The following AATK variants were observed in gnomAD, a reference collection of about 807,000 sequenced individuals.
The protein encoded by AATK is serine/threonine-protein kinase LMTK1.
AATK carries 91 observed loss-of-function variants against 114.3 expected under a neutral mutation model. That is an observed-to-expected ratio of 0.80 (90% CI 0.67 to 0.95). AATK has a LOEUF of 0.95. Ranked by LOEUF, AATK falls within the 40% of genes least tolerant of loss-of-function variation. AATK has a pLI of 0.00. For missense variants in AATK, 2,176 were observed against 1,965.2 expected (o/e 1.11, Z -2.03); for synonymous variants, 1,075 against 916.5 (o/e 1.17, Z -3.12).
intron 1 of AATK, among the ~76,000 whole-genome samples, chr17:81,162,747 C>A (rs2061440971): frequency 6.6e-6 from 1 of 152,224 alleles, no homozygotes. Flanking sequence ...TCCCAGGAAC[C>A]CCCCATGGCG....
intron 2 of AATK, chr17:81,131,996 G>A: frequency 1.5e-6 from 2 of 1,311,632 alleles, no homozygotes; most frequent in Non-Finnish European, 1.0e-6. Flanking sequence ...CTGGCCCCGT[G>A]CAGCCTAGGG....
chr17:81,163,527 C>T (rs2061449410), intron 1 of AATK, among the ~76,000 whole-genome samples: 1 of 152,252 alleles, frequency 6.6e-6, no homozygotes. Context: ...GGCCACACAG[C>T]ACAGAGGCTG....
At position 81,134,431 on chromosome 17, in the gene AATK, G is replaced by A. The variant is rs745546966; in HGVS notation, c.126C>T (p.Leu42=). 6 of 1,613,308 alleles carry A rather than the reference G, an allele frequency of 3.7e-6. No individual in the cohort carries two copies. The highest frequency in any genetic ancestry group is 5.1e-6 in the Non-Finnish European group (6 of 1,179,820). ...LAVVAVSFSG[L]FAVIVLMLAC... The stretch of plus-strand genomic sequence containing the variant: ...CCAGCATGAGGACGATGACGGCGAA[G>A]AGCCCGGAGAAAGACACAGCCACCA... The change falls in exon 2 of 14, where the codon CTC becomes CTT. Residue 42 remains leucine, a synonymous_variant. Transcript: ENST00000326724.
At position 81,165,826 on chromosome 17, in the gene AATK, G is replaced by C. The variant is rs377112563; in HGVS notation, c.55+112C>G. On this transcript the variant is annotated intron_variant, in intron 1 of 13. Coordinates refer to ENST00000326724, the MANE Select transcript of AATK (RefSeq NM_001080395.3). Reference sequence around the variant, plus strand: ...TCCGGCTGCTTCTGCTGCTGGGCTCGGGGCGGGGAAAGGGTTAATTTCCAT... The same window carrying C: ...TCCGGCTGCTTCTGCTGCTGGGCTCCGGGCGGGGAAAGGGTTAATTTCCAT... The C allele has an allele frequency of 1.2e-5, 18 of 1,509,030 alleles. No individual in the cohort carries two copies. In the South Asian group the frequency reaches 1.8e-4, roughly 15 times the overall value. The allele number at this position is 1,509,030 out of a possible 1,614,324, so 93.5% of individuals were successfully genotyped here. A position where few individuals can be genotyped will look rare whatever the true frequency, so the allele number is the denominator to read the frequency against.
chr17:81,154,326 T>C (rs1376025968), intron 1 of AATK, among the ~76,000 whole-genome samples: 1 of 146,124 alleles, frequency 6.8e-6, no homozygotes, highest in Admixed American at 6.8e-5. Context: ...TTTCTTTTTT[T>C]TTTTTTTTTT....
chr17:81,149,726 A>G (rs2061270737), intron 1 of AATK, among the ~76,000 whole-genome samples: 1 of 152,066 alleles, frequency 6.6e-6, no homozygotes, highest in Non-Finnish European at 1.5e-5. Flanking sequence ...CCCCCTGCTC[A>G]CGCCTGTCCG....
intron 1 of AATK, among the ~76,000 whole-genome samples, chr17:81,141,426 G>C (rs2061136483): frequency 6.6e-6 from 1 of 152,192 alleles, no homozygotes; most frequent in Non-Finnish European, 1.5e-5. Flanking sequence ...ACTCCAGTCT[G>C]GGCGACAGAG....
rs2060981261 is a variant in AATK, at chr17:81,134,480, A to T, written c.77T>A (p.Leu26Gln). The T allele has an allele frequency of 6.2e-7, 1 of 1,612,756 alleles. No individual in the cohort carries two copies. Among genetic ancestry groups the T allele is most frequent in the Non-Finnish European group, 8.5e-7 (1 of 1,179,632 alleles). ...FDPDGAPLSE[L>Q]SWPSSLAVVA... ...CACGGCGAGGGAGGATGGCCAGGACAGCTCGCTGAGCGGGGCGCCGTCTGC... is the reference window on the plus strand; with the variant it reads ...CACGGCGAGGGAGGATGGCCAGGACTGCTCGCTGAGCGGGGCGCCGTCTGC... The change falls in exon 2 of 14, where the codon CTG becomes CAG. Residue 26 changes from leucine to glutamine, a missense_variant. Physicochemically the swap from Leu to Gln is moderately radical, Grantham distance 113. Coordinates refer to ENST00000326724, the MANE Select transcript of AATK (RefSeq NM_001080395.3).
chr17:81,137,493 C>T (rs1445415670), intron 1 of AATK, among the ~76,000 whole-genome samples: 4 of 152,094 alleles, frequency 2.6e-5, no homozygotes, highest in East Asian at 1.9e-4. Flanking sequence ...GTGCACCCAC[C>T]GCCGCCTCTG....
At position 81,121,770 on chromosome 17, in the gene AATK, C is replaced by T. The variant is rs1238272499; in HGVS notation, c.2166G>A (p.Gly722=). 5.2e-6 allele frequency: 8 copies of T among 1,535,054 alleles called. No individual in the cohort carries two copies. Among genetic ancestry groups the T allele is most frequent in the Middle Eastern group, 1.8e-4 (1 of 5,568 alleles). The change falls in exon 11 of 14, where the codon GGG becomes GGA. Residue 722 remains glycine (G), a synonymous_variant. Coordinates refer to ENST00000326724, the MANE Select transcript of AATK (RefSeq NM_001080395.3). ...KQTPRASPEP[G]YPGEPLLGLQ... is the part of the protein sequence containing the mutation. Reference sequence around the variant, plus strand: ...GCCCAAGCAGAGGCTCTCCAGGGTACCCCGGCTCGGGGGAGGCCCGTGGGG... The same window carrying T: ...GCCCAAGCAGAGGCTCTCCAGGGTATCCCGGCTCGGGGGAGGCCCGTGGGG...
At chr17:81,143,850 C>T (rs929113826) in intron 1 of AATK, among the ~76,000 whole-genome samples, 3 of 152,348 alleles carry the variant, frequency 2.0e-5, no homozygotes, top group Admixed American at 1.3e-4. Flanking sequence ...GTCGGGTGTG[C>T]CTGGCATGCA....
chr17:81,118,468 C>A (rs756471563), intron 13 of AATK, 26 bp from the exon 14 acceptor site: 4 of 1,602,616 alleles, frequency 2.5e-6, no homozygotes, highest in Non-Finnish European at 2.6e-6. Context: ...ACAAAGTGAA[C>A]ACAGGGTTCT....
chr17:81,160,424 C>T, intron 1 of AATK: 1 of 178,628 alleles, frequency 5.6e-6, no homozygotes, highest in Non-Finnish European at 1.1e-5. Context: ...TCAGAGGTGC[C>T]TGGGAACTGG....
At chr17:81,124,664 G>C in intron 9 of AATK, 63 bp downstream of exon 9, 3 of 1,590,132 alleles carry the variant, frequency 1.9e-6, no homozygotes, top group South Asian at 1.1e-5. Context: ...GCCATGATTT[G>C]ACATGGGTGG....
intron 1 of AATK, among the ~76,000 whole-genome samples, chr17:81,158,073 G>C (rs1327390039): frequency 6.6e-6 from 1 of 152,240 alleles, no homozygotes; most frequent in Non-Finnish European, 1.5e-5. Context: ...CAGGTCCATG[G>C]CCAGGGCGGC....
rs747648464 is a variant in AATK at position 81,131,024 on chromosome 17, G to A, written c.334+37C>T. ...ACCCAACGCCCAGCACCTGGGCCCC[G>A]GAGGGAGGCCACCCCATCTCCCCAC... is the stretch of plus-strand genomic sequence containing the variant. On this transcript the variant is annotated intron_variant, in intron 3 of 13. Transcript: ENST00000326724. The A allele has an allele frequency of 3.8e-5, 58 of 1,539,770 alleles. No individual in the cohort carries two copies. In the East Asian group the frequency reaches 6.4e-4, roughly 17 times the overall value.
At chr17:81,163,833 A>G (rs956865976) in intron 1 of AATK, among the ~76,000 whole-genome samples, 2 of 152,246 alleles carry the variant, frequency 1.3e-5, no homozygotes, top group Non-Finnish European at 2.9e-5. Flanking sequence ...GCGATGAACA[A>G]GGAGCCGGCC....
chr17:81,166,029 G>A lies in AATK; in HGVS notation c.-37C>T, dbSNP rs772031023. On this transcript the variant is annotated 5_prime_UTR_variant, in exon 1 of 14. Coordinates refer to ENST00000326724, the MANE Select transcript of AATK (RefSeq NM_001080395.3). ...CGGCCGGCGGGCATCCCGGGAGGGC[G>A]CTGCGCTCAGGACGCCCGCGGCCCC... 27 of 1,501,918 alleles carry A rather than the reference G, an allele frequency of 1.8e-5. 1 individual carries two copies. The highest frequency in any genetic ancestry group is 1.6e-4 in the South Asian group (13 of 79,744). 93.0% of individuals were successfully genotyped at this position (1,501,918 alleles called of 1,614,324 possible). A position where few individuals can be genotyped will look rare whatever the true frequency, so the allele number is the denominator to read the frequency against.
rs932792409 is a variant in AATK at position 81,126,331 on chromosome 17, C to T, written c.755+96G>A. 1.1e-5 allele frequency: 16 copies of T among 1,428,482 alleles called. No individual in the cohort carries two copies. The highest frequency in any genetic ancestry group is 4.9e-5 in the Admixed American group (2 of 40,626). The allele number at this position is 1,428,482 out of a possible 1,614,324, so 88.5% of individuals were successfully genotyped here. A position where few individuals can be genotyped will look rare whatever the true frequency, so the allele number is the denominator to read the frequency against. Reference sequence around the variant, plus strand: ...GCATGAGATGAACCTGGCCGGTCCTCGCAAGCCCCCTGAGGCAGGACCCGC... The same window carrying T: ...GCATGAGATGAACCTGGCCGGTCCTTGCAAGCCCCCTGAGGCAGGACCCGC... On this transcript the variant is annotated intron_variant, in intron 7 of 13. Transcript: ENST00000326724. This position sits in a 1 kb window ranked among gnomAD's most constrained non-coding sequence, Gnocchi z 5.1.
Sources: allele counts gnomAD v4.1 joint callset (sites outside exome capture counted in the v4.1 genomes callset), GRCh38; gene constraint gnomAD v4.1.1; non-coding constraint Gnocchi (gnomAD v3.1); transcripts MANE v1.5; gene names NCBI Gene and HGNC (gene_info 2026-07-23, HGNC 2026-07-21).